CTIF: variants seen among roughly 807,000 people sequenced by gnomAD.
CTIF encodes the protein cap binding complex dependent translation initiation factor, also known as CBP80/20-dependent translation initiation factor.
Under a neutral mutation model 66.0 loss-of-function variants are expected in CTIF, and 21 were observed. The observed-to-expected ratio is 0.32, with a 90% CI of 0.23 to 0.46. The LOEUF (loss-of-function observed/expected upper bound fraction) is 0.46. Among genes scored for constraint, CTIF ranks in the 20% least tolerant of loss-of-function variants. The pLI, the probability that CTIF is intolerant of heterozygous loss-of-function variation, is 1.00. For synonymous variants in CTIF, 345 were observed against 326.4 expected (o/e 1.06, Z -0.62); for missense variants, 739 against 812.7 (o/e 0.91, Z 1.10).
intron 1 of CTIF, among the ~76,000 whole-genome samples, chr18:48,594,568 C>G (rs867063598): frequency 6.6e-6 from 1 of 152,152 alleles, no homozygotes; most frequent in African/African-American, 2.4e-5. Context: ...CATTCTCCAG[C>G]CACCACTTTC....
chr18:48,801,340 C>T (rs2068045326), intron 9 of CTIF, among the ~76,000 whole-genome samples: 2 of 152,232 alleles, frequency 1.3e-5, no homozygotes, highest in Admixed American at 1.3e-4. Flanking sequence ...CGTTGGTCTC[C>T]CCCAAGCTCC....
intron 9 of CTIF, among the ~76,000 whole-genome samples, chr18:48,791,854 C>A (rs1179113360): frequency 6.6e-6 from 1 of 152,216 alleles, no homozygotes; most frequent in East Asian, 1.9e-4. Flanking sequence ...CTTTTGCCAC[C>A]TGGTGTTCTT....
chr18:48,713,919 C>T (rs1213382257), intron 7 of CTIF, among the ~76,000 whole-genome samples: 4 of 152,216 alleles, frequency 2.6e-5, no homozygotes, highest in Non-Finnish European at 5.9e-5. Flanking sequence ...CTCGTCGGGG[C>T]GCCCCGCTCT....
At chr18:48,653,661 T>C (rs1352663059) in intron 3 of CTIF, among the ~76,000 whole-genome samples, 1 of 152,346 alleles carries the variant, frequency 6.6e-6, no homozygotes, top group East Asian at 1.9e-4. Context: ...AGAGCCCGCA[T>C]TGCCAAGACA....
intron 6 of CTIF, chr18:48,688,180 G>A (rs966242290): frequency 6.6e-6 from 1 of 152,302 alleles, no homozygotes; most frequent in African/African-American, 2.4e-5. Flanking sequence ...TCTGTGCACG[G>A]TTTTGTCAGC....
At chr18:48,668,825 C>T (rs1032029470) in intron 5 of CTIF, among the ~76,000 whole-genome samples, 3 of 152,112 alleles carry the variant, frequency 2.0e-5, no homozygotes, top group African/African-American at 4.8e-5. Context: ...TTGTCCCCAG[C>T]GGGGCACTTG....
chr18:48,735,830 T>G (rs1488746229), intron 7 of CTIF, among the ~76,000 whole-genome samples: 1 of 152,150 alleles, frequency 6.6e-6, no homozygotes, highest in East Asian at 1.9e-4. Flanking sequence ...TCTCCAGTCC[T>G]CCCTGCGAGC....
At chr18:48,722,200 C>T (rs2092344246) in intron 7 of CTIF, among the ~76,000 whole-genome samples, 1 of 147,054 alleles carries the variant, frequency 6.8e-6, no homozygotes, top group Non-Finnish European at 1.5e-5. Flanking sequence ...TACTCCTGGC[C>T]CTGTGCTTTT....
At position 48,671,248 on chromosome 18, in the gene CTIF, A is replaced by G. The variant is rs114792291; in HGVS notation, c.507+504A>G. On this transcript the variant is annotated intron_variant, in intron 6 of 11. Transcript: ENST00000256413. ...TCCTGGAATCAGGCCAGGTTCCAGG[A>G]CAAAGAGGATTCACTCAGTGAATCC... Among the ~76,000 whole-genome samples the G allele has an allele frequency of 1.5e-3, 226 of 152,120 alleles. 2 individuals carry two copies. Among genetic ancestry groups the G allele is most frequent in the African/African-American group, 5.4e-3 (224 of 41,484 alleles).
intron 9 of CTIF, among the ~76,000 whole-genome samples, chr18:48,815,750 G>A (rs2068349374): frequency 6.6e-6 from 1 of 152,208 alleles, no homozygotes; most frequent in South Asian, 2.1e-4. Flanking sequence ...CATCTCTGGA[G>A]ATGCTGAGAT....
intron 9 of CTIF, among the ~76,000 whole-genome samples, chr18:48,776,909 G>A (rs1013935845): frequency 6.6e-6 from 1 of 152,224 alleles, no homozygotes; most frequent in Non-Finnish European, 1.5e-5. Context: ...CCCCAGCCCT[G>A]CCTTTCCCTG....
intron 2 of CTIF, among the ~76,000 whole-genome samples, chr18:48,627,117 A>C (rs1421482175): frequency 6.6e-6 from 1 of 152,224 alleles, no homozygotes; most frequent in Non-Finnish European, 1.5e-5. Context: ...TCTAGCATAC[A>C]TGTAAGTTTT....
At chr18:48,669,810 TA>T (rs1254852056) in intron 5 of CTIF, among the ~76,000 whole-genome samples, 4 of 103,986 alleles carry the variant, frequency 3.8e-5, no homozygotes, top group East Asian at 6.4e-4. Flanking sequence ...TATATATATA[TA>T]TATATATATA....
intron 10 of CTIF, among the ~76,000 whole-genome samples, chr18:48,832,402 G>A (rs1010740564): frequency 1.3e-5 from 2 of 152,072 alleles, no homozygotes; most frequent in African/African-American, 4.8e-5. Context: ...AAACTCCTGG[G>A]CTCAAGCAAT....
intron 1 of CTIF, among the ~76,000 whole-genome samples, chr18:48,570,519 A>G (rs2089391145): frequency 6.6e-6 from 1 of 152,220 alleles, no homozygotes; most frequent in African/African-American, 2.4e-5. Flanking sequence ...CGGAGGAGAC[A>G]GACATCCACG....
intron 1 of CTIF, among the ~76,000 whole-genome samples, chr18:48,561,229 C>T (rs1436805850): frequency 1.1e-5 from 1 of 87,468 alleles, no homozygotes; most frequent in Admixed American, 1.7e-4. Flanking sequence ...CAGTGAGACT[C>T]TGTCTCAAAA....
intron 1 of CTIF, among the ~76,000 whole-genome samples, chr18:48,592,455 C>T (rs1206817931): frequency 6.6e-6 from 1 of 151,156 alleles, no homozygotes; most frequent in Non-Finnish European, 1.5e-5. Flanking sequence ...CGAGATTGCG[C>T]CATTGAACTC....
chr18:48,734,620 G>A (rs892298163), intron 7 of CTIF, among the ~76,000 whole-genome samples: 1 of 152,216 alleles, frequency 6.6e-6, no homozygotes, highest in African/African-American at 2.4e-5. Context: ...GGGTTCATTT[G>A]CATCCTGTTC....
At chr18:48,736,107 G>A (rs574779998) in intron 7 of CTIF, among the ~76,000 whole-genome samples, 6 of 152,154 alleles carry the variant, frequency 3.9e-5, no homozygotes, top group Non-Finnish European at 8.8e-5. Flanking sequence ...CTCTGGGTGC[G>A]AGCATTCAGA....
Sources: allele counts gnomAD v4.1 joint callset (sites outside exome capture counted in the v4.1 genomes callset), GRCh38; gene constraint gnomAD v4.1.1; transcripts MANE v1.5; gene names NCBI Gene and HGNC (gene_info 2026-07-23, HGNC 2026-07-21).